Variants in THSD7B observed in about 807,000 individuals in gnomAD.
The protein encoded by THSD7B is thrombospondin type 1 domain containing 7B.
A neutral mutation model predicts 213.6 loss-of-function variants in THSD7B; 138 were observed. The ratio of observed to expected loss-of-function variants is 0.65; its 90% CI spans 0.56 to 0.74. The LOEUF (loss-of-function observed/expected upper bound fraction) is 0.74. THSD7B is among the 30% of genes least tolerant of loss of function. THSD7B has a pLI of 0.00. For missense variants in THSD7B, 1,931 were observed against 1,991.5 expected, an observed-to-expected ratio of 0.97 and a Z score of 0.58; for synonymous variants, 742 against 687.0, an observed-to-expected ratio of 1.08 and a Z score of -1.25.
intron 14 of THSD7B, 132 bp from the exon 15 acceptor site, chr2:137,450,713 C>T (rs913117916): frequency 4.5e-6 from 3 of 665,056 alleles, no homozygotes; most frequent in African/African-American, 3.8e-5. Flanking sequence ...GTCTGTTTAT[C>T]TGAGAACAAA....
chr2:137,498,573 A>G (rs1301445238), intron 15 of THSD7B, among the ~76,000 whole-genome samples: 1 of 152,040 alleles, frequency 6.6e-6, no homozygotes, highest in Non-Finnish European at 1.5e-5. Context: ...CCATCTTTGG[A>G]TCTATTGGAT....
At chr2:137,462,606 C>G (rs1441867003) in intron 15 of THSD7B, among the ~76,000 whole-genome samples, 1 of 152,020 alleles carries the variant, frequency 6.6e-6, no homozygotes, top group Non-Finnish European at 1.5e-5. Context: ...CTCCTTTGTT[C>G]TCCAAAGCAC....
At chr2:137,626,749 G>T (rs1682639201) in intron 20 of THSD7B, among the ~76,000 whole-genome samples, 1 of 152,110 alleles carries the variant, frequency 6.6e-6, no homozygotes. Flanking sequence ...TAGAAATTTT[G>T]TCCACCAGGT....
At chr2:137,116,371 C>T (rs1397436655) in intron 5 of THSD7B, among the ~76,000 whole-genome samples, 1 of 152,142 alleles carries the variant, frequency 6.6e-6, no homozygotes, top group Non-Finnish European at 1.5e-5. Context: ...CTTTTTATTT[C>T]AGGACAAAAC....
intron 15 of THSD7B, among the ~76,000 whole-genome samples, chr2:137,558,889 CA>C (rs1453552880): frequency 1.3e-5 from 2 of 152,104 alleles, no homozygotes; most frequent in Non-Finnish European, 2.9e-5. Context: ...AATCAGTGTG[CA>C]AAAATCACAA....
At chr2:137,675,403 CATATATATATATATAT>C (rs55940004) in intron 27 of THSD7B, among the ~76,000 whole-genome samples, 3,482 of 116,486 alleles carry the variant, frequency 0.03, 182 homozygotes, top group African/African-American at 0.11. Flanking sequence ...AAATGAATGC[CATATATATATATATAT>C]ATATATATAT....
At chr2:137,198,299 A>G (rs1220008130) in intron 7 of THSD7B, among the ~76,000 whole-genome samples, 1 of 152,016 alleles carries the variant, frequency 6.6e-6, no homozygotes, top group East Asian at 1.9e-4. Context: ...AGAACATGAG[A>G]GTGGTATTTT....
chr2:137,503,469 G>A (rs1418580098), intron 15 of THSD7B, among the ~76,000 whole-genome samples: 2 of 143,818 alleles, frequency 1.4e-5, no homozygotes, highest in African/African-American at 3.0e-5. Flanking sequence ...AGAGACATGA[G>A]AAAGAATTTT....
At chr2:136,785,676 G>C (rs1258448742) in intron 1 of THSD7B, among the ~76,000 whole-genome samples, 1 of 152,184 alleles carries the variant, frequency 6.6e-6, no homozygotes, top group Non-Finnish European at 1.5e-5. Flanking sequence ...TTCCCCTTGA[G>C]GCAATGAGCA....
intron 2 of THSD7B, among the ~76,000 whole-genome samples, chr2:136,973,443 C>T (rs1179413010): frequency 6.6e-6 from 1 of 151,844 alleles, no homozygotes; most frequent in Non-Finnish European, 1.5e-5. Flanking sequence ...CTGTATTTTC[C>T]TTTTTTCTGC....
chr2:137,537,603 T>C (rs1013781408), intron 15 of THSD7B, among the ~76,000 whole-genome samples: 6 of 151,672 alleles, frequency 4.0e-5, no homozygotes, highest in Non-Finnish European at 7.4e-5. Context: ...GGATATTTAA[T>C]TTACCTTCTC....
rs181687945 is a variant in THSD7B, at chr2:137,314,017, G to A, written c.2500+37991G>A. Among the ~76,000 whole-genome samples, 715 of 152,190 alleles carry A rather than the reference G, an allele frequency of 4.7e-3. 7 individuals are homozygous for A. The highest frequency in any genetic ancestry group is 0.017 in the African/African-American group (695 of 41,512). The stretch of plus-strand genomic sequence containing the variant: ...TGCTCTTCTCGAGGAGTATCTTTGT[G>A]GCGTTCTCTGTATTTCCTGAATCTG... On this transcript the variant is annotated intron_variant, in intron 12 of 27. Coordinates refer to ENST00000409968, the MANE Select transcript of THSD7B (RefSeq NM_001316349.2).
chr2:137,322,890 A>G lies in THSD7B; in HGVS notation c.2500+46864A>G, dbSNP rs575984972. Among the ~76,000 whole-genome samples, 9 of 152,280 alleles carry G rather than the reference A, an allele frequency of 5.9e-5. No homozygotes were observed. The East Asian group carries it at 1.7e-3, about 29-fold the overall frequency. On this transcript the variant is annotated intron_variant, in intron 12 of 27. Transcript: ENST00000409968. ...GTTTTAATGGTATAGAGGGACATGGAGGAGAGGATATTATCTCTGTCATAA... is the reference window on the plus strand; with the variant it reads ...GTTTTAATGGTATAGAGGGACATGGGGGAGAGGATATTATCTCTGTCATAA...
intron 17 of THSD7B, among the ~76,000 whole-genome samples, chr2:137,574,950 A>T (rs1681428532): frequency 6.6e-6 from 1 of 152,140 alleles, no homozygotes; most frequent in Non-Finnish European, 1.5e-5. Context: ...TGATTTAAGG[A>T]TCTTTAATAT....
intron 15 of THSD7B, among the ~76,000 whole-genome samples, chr2:137,547,247 G>T (rs2105201438): frequency 6.6e-6 from 1 of 152,094 alleles, no homozygotes; most frequent in South Asian, 2.1e-4. Flanking sequence ...CACCACTTCT[G>T]GCTCTATGTT....
intron 3 of THSD7B, among the ~76,000 whole-genome samples, chr2:137,068,021 T>TCTGG (rs1003342452): frequency 6.6e-6 from 1 of 152,070 alleles, no homozygotes; most frequent in African/African-American, 2.4e-5. Context: ...GTTTTTCTAC[T>TCTGG]CTGGTCCTGG....
intron 6 of THSD7B, among the ~76,000 whole-genome samples, chr2:137,161,474 T>G (rs1306940660): frequency 1.3e-5 from 2 of 152,148 alleles, no homozygotes; most frequent in Non-Finnish European, 2.9e-5. Context: ...AAACCCACAT[T>G]TCAGTAATTC....
intron 1 of THSD7B, among the ~76,000 whole-genome samples, chr2:136,813,612 G>A (rs543197625): frequency 1.3e-5 from 2 of 152,002 alleles, no homozygotes; most frequent in South Asian, 2.1e-4. Context: ...TTATGAAAAT[G>A]CCATGATTCA....
chr2:136,997,419 T>A (rs1401993568), intron 2 of THSD7B, among the ~76,000 whole-genome samples: 4 of 152,232 alleles, frequency 2.6e-5, no homozygotes, highest in Non-Finnish European at 4.4e-5. Flanking sequence ...GTTTTGTGCT[T>A]GATTTTGTAT....
Sources: gnomAD v4.1 joint callset for allele counts (sites outside exome capture counted in the v4.1 genomes callset) on GRCh38, gnomAD v4.1.1 for gene constraint, MANE v1.5 for transcripts, NCBI Gene and HGNC (gene_info 2026-07-23, HGNC 2026-07-21) for gene names.